The following SLC30A5 variants were observed in gnomAD, a reference collection of about 807,000 sequenced individuals.
SLC30A5 encodes proton-coupled zinc antiporter SLC30A5.
A neutral mutation model predicts 79.6 loss-of-function variants in SLC30A5; 33 were observed. The ratio of observed to expected loss-of-function variants is 0.41; its 90% CI spans 0.31 to 0.55. The LOEUF (loss-of-function observed/expected upper bound fraction) is 0.55, where lower values mean the gene tolerates loss of function less well. Among genes scored for constraint, SLC30A5 ranks in the 20% least tolerant of loss-of-function variants. The probability of loss-of-function intolerance (pLI) is 0.20; values close to 1 mark genes in which losing one functional copy is unlikely to be tolerated. For missense variants in SLC30A5, 788 were observed against 928.1 expected (o/e 0.85, Z 1.96); for synonymous variants, 299 against 319.7 (o/e 0.94, Z 0.69).
intron 15 of SLC30A5, among the ~76,000 whole-genome samples, chr5:69,128,516 A>T (rs1746765947): frequency 6.6e-6 from 1 of 151,102 alleles, no homozygotes; most frequent in Non-Finnish European, 1.5e-5. Context: ...GCCTGCCTCG[A>T]CCTCCCAAAG....
intron 7 of SLC30A5, 70 bp from the exon 8 acceptor site, chr5:69,115,167 A>AAAT: frequency 4.0e-6 from 3 of 743,898 alleles, no homozygotes; most frequent in Non-Finnish European, 6.3e-6. Context: ...AAAAAAAAAG[A>AAAT]TCATGTATTT....
rs200768412 is a variant in SLC30A5, at chr5:69,115,282, T to C, written c.658T>C (p.Phe220Leu). ...LVLALCCKVGFHTASRKLSVD... is the reference protein window; with the variant it reads ...LVLALCCKVGLHTASRKLSVD... ...ACTGGCTTTGTGTTGTAAAGTTGGT[T>C]TTCATACAGCTTCCAGAAAGCTCTC... is the stretch of plus-strand genomic sequence containing the variant. The change falls in exon 8 of 16, where the codon TTT (phenylalanine) becomes CTT (leucine). Residue 220 changes from phenylalanine (F) to leucine (L), a missense_variant. Physicochemically the swap from Phe to Leu is conservative, Grantham distance 22. This residue lies in a region of SLC30A5 where 626 missense variants were observed against 755.5 expected (regional missense o/e 0.83). Coordinates refer to ENST00000396591, the MANE Select transcript of SLC30A5 (RefSeq NM_022902.5). 1 of 1,614,084 alleles carries C rather than the reference T, an allele frequency of 6.2e-7. No homozygotes were observed.
chr5:69,109,925 T>A (rs1746186015), intron 5 of SLC30A5, among the ~76,000 whole-genome samples: 1 of 151,708 alleles, frequency 6.6e-6, no homozygotes. Flanking sequence ...CTGTAAAGAG[T>A]CAGCAGCTGC....
At chr5:69,104,982 C>A (rs753262052) in intron 4 of SLC30A5, among the ~76,000 whole-genome samples, 1 of 152,112 alleles carries the variant, frequency 6.6e-6, no homozygotes, top group Non-Finnish European at 1.5e-5. Context: ...TTAGCATAAA[C>A]GGCTTTTTAA....
Position 69,130,799 on chromosome 5 carries a change from T to C in SLC30A5, c.*1182T>C, listed in dbSNP as rs1457816666. ...CAAAGAATGTTGTCCAAAAGAAACT[T>C]TTTAATACCTGTCTTTCTATTTATA... On this transcript the variant is annotated 3_prime_UTR_variant, in exon 16 of 16. Coordinates refer to ENST00000396591, the MANE Select transcript of SLC30A5 (RefSeq NM_022902.5). 1 of 152,166 alleles carries C rather than the reference T, an allele frequency of 6.6e-6. No homozygotes were observed. Among genetic ancestry groups the C allele is most frequent in the Non-Finnish European group, 1.5e-5 (1 of 68,014 alleles). The allele number at this position is 152,166 out of a possible 1,614,324, so 9.4% of individuals were successfully genotyped here. A position where few individuals can be genotyped will look rare whatever the true frequency, so the allele number is the denominator to read the frequency against.
intron 12 of SLC30A5, among the ~76,000 whole-genome samples, chr5:69,119,141 C>A (rs1048769148): frequency 2.0e-5 from 3 of 152,132 alleles, no homozygotes; most frequent in African/African-American, 7.2e-5. Context: ...ACCACCAAAG[C>A]TTTACATGTG....
rs1269876943 is a variant in SLC30A5 at position 69,094,351 on chromosome 5, T to G, written c.83+13T>G. The G allele has an allele frequency of 2.4e-6, 3 of 1,245,830 alleles. No individual in the cohort carries two copies. Among genetic ancestry groups the G allele is most frequent in the Non-Finnish European group, 3.0e-6 (3 of 987,904 alleles). The allele number at this position is 1,245,830 out of a possible 1,614,324, so 77.2% of individuals were successfully genotyped here. ...TACCCAGCGCTCGGTAAGGGACCGA[T>G]CCGGAAGGCAGCGACCGGCCGGGTC... On this transcript the variant is annotated intron_variant, in intron 1 of 15. Coordinates refer to ENST00000396591, the MANE Select transcript of SLC30A5 (RefSeq NM_022902.5).
intron 14 of SLC30A5, 93 bp downstream of exon 14, chr5:69,123,518 A>G (rs2111995550): frequency 2.1e-6 from 2 of 965,262 alleles, no homozygotes; most frequent in Non-Finnish European, 3.2e-6. Flanking sequence ...AATAAATAAT[A>G]AAACAAAACG....
Position 69,113,178 on chromosome 5 carries a change from T to C in SLC30A5, c.486T>C (p.Cys162=), listed in dbSNP as rs776884796. The C allele has an allele frequency of 4.3e-6, 7 of 1,613,632 alleles. No individual in the cohort carries two copies. The East Asian group carries it at 1.3e-4, about 31-fold the overall frequency. Residue 162 remains cysteine (C), a synonymous_variant, in exon 6 of 16, where the codon TGT becomes TGC. Coordinates refer to ENST00000396591, the MANE Select transcript of SLC30A5 (RefSeq NM_022902.5). ...GAAFFIIAVI[C]LLLFDNDDLM... is the part of the protein sequence containing the mutation. ...CTTTTTTCATTATTGCTGTGATCTG[T>C]TTATTGCTTTTTGACAATGATGATC...
intron 10 of SLC30A5, among the ~76,000 whole-genome samples, 166 bp from the exon 11 acceptor site, chr5:69,117,073 A>T (rs1032357916): frequency 1.3e-5 from 2 of 152,214 alleles, no homozygotes; most frequent in Non-Finnish European, 2.9e-5. Context: ...GGTTTATCTT[A>T]GTTTTTACAA....
At chr5:69,111,307 CTTTT>C (rs572471039) in intron 5 of SLC30A5, among the ~76,000 whole-genome samples, 1 of 95,124 alleles carries the variant, frequency 1.1e-5, no homozygotes, top group East Asian at 3.4e-4. Flanking sequence ...TTTTCTTTTT[CTTTT>C]TTTTTTTTTT....
intron 5 of SLC30A5, among the ~76,000 whole-genome samples, chr5:69,108,897 G>A (rs1289450655): frequency 2.7e-5 from 4 of 148,818 alleles, no homozygotes; most frequent in Admixed American, 1.3e-4. Flanking sequence ...TTTTGTTTTT[G>A]AAGAATTCTA....
chr5:69,107,036 T>C (rs1193848493), intron 4 of SLC30A5, among the ~76,000 whole-genome samples: 1 of 152,058 alleles, frequency 6.6e-6, no homozygotes, highest in Non-Finnish European at 1.5e-5. Context: ...GGCTAACTTT[T>C]GTATCTTTTT....
At position 69,110,375 on chromosome 5, in the gene SLC30A5, C is replaced by G. The variant is rs370265721; in HGVS notation, c.447+1939C>G. Among the ~76,000 whole-genome samples the G allele has an allele frequency of 1.8e-4, 28 of 152,222 alleles. 2 individuals carry two copies. The East Asian group carries it at 4.4e-3, about 24-fold the overall frequency. On this transcript the variant is annotated intron_variant, in intron 5 of 15. Transcript: ENST00000396591. ...TAGTCCCTATTCTGAAAGGGACTTT[C>G]AAGCAAAGTAATGAAGGGAGATGAA...
intron 15 of SLC30A5, among the ~76,000 whole-genome samples, chr5:69,128,744 T>G (rs942077028): frequency 1.3e-5 from 2 of 152,164 alleles, no homozygotes; most frequent in African/African-American, 4.8e-5. Context: ...AATAAGTTAT[T>G]ATAAATATAT....
At chr5:69,122,750 T>C (rs350112) in intron 13 of SLC30A5, among the ~76,000 whole-genome samples, 57,910 of 152,068 alleles carry the variant, frequency 0.38, 11,575 homozygotes, top group East Asian at 0.53. Flanking sequence ...TGAATAGATA[T>C]TAGTTGCAAG....
At chr5:69,124,268 T>G (rs1028829145) in intron 14 of SLC30A5, among the ~76,000 whole-genome samples, 3 of 151,042 alleles carry the variant, frequency 2.0e-5, no homozygotes, top group African/African-American at 7.3e-5. Flanking sequence ...ATAGGTTGTC[T>G]GTAAAAGAAG....
chr5:69,094,072 T>C lies in SLC30A5; in HGVS notation c.-184T>C. 5.0e-6 allele frequency: 2 copies of C among 400,518 alleles called. No individual in the cohort carries two copies. Among genetic ancestry groups the C allele is most frequent in the Non-Finnish European group, 8.9e-6 (2 of 225,382 alleles). The allele number at this position is 400,518 out of a possible 1,614,324, so 24.8% of individuals were successfully genotyped here. The stretch of plus-strand genomic sequence containing the variant: ...GCCGCCGGAACTGATCGCGGCCTAG[T>C]CCCGACGCGTGTGTGCTAGTGAGCC... On this transcript the variant is annotated 5_prime_UTR_variant, in exon 1 of 16. Transcript: ENST00000396591.
At chr5:69,104,740 A>ATT in intron 4 of SLC30A5, 24 bp downstream of exon 4, 1 of 1,595,420 alleles carries the variant, frequency 6.3e-7, no homozygotes, top group Non-Finnish European at 8.5e-7. Context: ...CATATTTTGA[A>ATT]TGTGTGTTTG....
Sources: allele counts gnomAD v4.1 joint callset (sites outside exome capture counted in the v4.1 genomes callset), GRCh38; gene constraint gnomAD v4.1.1; regional missense constraint gnomAD v4.1.1; transcripts MANE v1.5; gene names NCBI Gene and HGNC (gene_info 2026-07-23, HGNC 2026-07-21).